NELL1: variants seen among roughly 807,000 people sequenced by gnomAD.
NELL1 encodes the protein protein kinase C-binding protein NELL1.
Under a neutral mutation model 107.4 loss-of-function variants are expected in NELL1, and 76 were observed. That is an observed-to-expected ratio of 0.71 (90% CI 0.59 to 0.86). The LOEUF (loss-of-function observed/expected upper bound fraction) is 0.86. Ranked by LOEUF, NELL1 falls within the 40% of genes least tolerant of loss-of-function variation. The pLI is 0.00. For missense variants in NELL1, 1,024 were observed against 1,005.5 expected, an observed-to-expected ratio of 1.02 and a Z score of -0.25; for synonymous variants, 353 against 341.2, an observed-to-expected ratio of 1.03 and a Z score of -0.38.
At chr11:21,330,400 T>C (rs1850245210) in intron 14 of NELL1, among the ~76,000 whole-genome samples, 1 of 152,158 alleles carries the variant, frequency 6.6e-6, no homozygotes, top group Admixed American at 6.6e-5. Flanking sequence ...TTAATAGTTA[T>C]TGCAAGTGCC....
At position 21,047,934 on chromosome 11, in the gene NELL1, G is replaced by A. The variant is rs552236574; in HGVS notation, c.1301-65655G>A. Among the ~76,000 whole-genome samples the A allele has an allele frequency of 3.9e-5, 6 of 152,284 alleles. 1 individual carries two copies. In the South Asian group the frequency reaches 1.2e-3, roughly 32 times the overall value. ...AAAAACTAGGTAACCAGCGCATCAC[G>A]TAGAAGGTGAATGCTTCAAGTCAGG... is the stretch of plus-strand genomic sequence containing the variant. On this transcript the variant is annotated intron_variant, in intron 12 of 19. Transcript: ENST00000357134.
rs200650485 is a variant in NELL1 at position 20,792,488 on chromosome 11, TTCTA to T, written c.335+8662_335+8665del. Among the ~76,000 whole-genome samples, 505 of 152,102 alleles carry T rather than the reference TTCTA, an allele frequency of 3.3e-3. 14 individuals carry two copies. The highest frequency in any genetic ancestry group is 0.027 in the Admixed American group (417 of 15,282). On this transcript the variant is annotated intron_variant, in intron 3 of 19. Transcript: ENST00000357134. ...AGTACTTTCTAATATCTATCACTGT[TTCTA>T]TCTGTCTTTATCTATCTAGTCATCA...
At chr11:21,353,752 T>C (rs1003195783) in intron 14 of NELL1, among the ~76,000 whole-genome samples, 2 of 152,230 alleles carry the variant, frequency 1.3e-5, no homozygotes, top group Admixed American at 6.5e-5. Flanking sequence ...CAGAGCTCTT[T>C]TGAATTCTTT....
chr11:21,514,932 T>G (rs1469589298), intron 15 of NELL1, among the ~76,000 whole-genome samples: 1 of 152,186 alleles, frequency 6.6e-6, no homozygotes, highest in African/African-American at 2.4e-5. Flanking sequence ...TAGGTGATAC[T>G]AATGGTCACA....
intron 13 of NELL1, among the ~76,000 whole-genome samples, chr11:21,150,294 A>T (rs1856084706): frequency 6.6e-6 from 1 of 152,108 alleles, no homozygotes; most frequent in Admixed American, 6.6e-5. Context: ...ACCGTATATT[A>T]CTCAAAGTGC....
At chr11:21,229,603 A>G in intron 14 of NELL1, 149 bp downstream of exon 14, 1 of 1,093,726 alleles carries the variant, frequency 9.1e-7, no homozygotes, top group East Asian at 2.6e-5. Context: ...ACTGTGCGTC[A>G]GGGAAAAAGA....
chr11:21,468,670 G>C (rs1279506918), intron 15 of NELL1, among the ~76,000 whole-genome samples: 1 of 152,066 alleles, frequency 6.6e-6, no homozygotes, highest in Non-Finnish European at 1.5e-5. Flanking sequence ...TACCTAAAGG[G>C]ATCAAGATTG....
At chr11:21,574,844 A>C (rs1857185046) in intron 19 of NELL1, 128 bp from the exon 20 acceptor site, 1 of 716,064 alleles carries the variant, frequency 1.4e-6, no homozygotes, top group South Asian at 1.8e-5. Context: ...ATTTTTTTCT[A>C]GTCATTTTTT....
chr11:21,232,838 A>C (rs896628894), intron 14 of NELL1, among the ~76,000 whole-genome samples: 1 of 152,028 alleles, frequency 6.6e-6, no homozygotes, highest in Non-Finnish European at 1.5e-5. Flanking sequence ...TTTTTAATAG[A>C]GATGGGGTTT....
intron 14 of NELL1, among the ~76,000 whole-genome samples, chr11:21,321,573 C>G (rs1475093520): frequency 1.3e-5 from 2 of 152,172 alleles, no homozygotes; most frequent in African/African-American, 4.8e-5. Flanking sequence ...ATAACAGACA[C>G]TGATATTTGC....
intron 12 of NELL1, among the ~76,000 whole-genome samples, chr11:21,037,476 C>T (rs1341864233): frequency 6.6e-6 from 1 of 152,130 alleles, no homozygotes; most frequent in Admixed American, 6.6e-5. Flanking sequence ...ACATATTCCT[C>T]ATTATCCATC....
At chr11:21,343,199 A>G (rs777580068) in intron 14 of NELL1, among the ~76,000 whole-genome samples, 127 of 151,918 alleles carry the variant, frequency 8.4e-4, no homozygotes, top group Non-Finnish European at 1.6e-3. Flanking sequence ...CAGACTCCCC[A>G]GCATGGCATA....
chr11:20,862,195 A>G (rs1014982166), intron 4 of NELL1, among the ~76,000 whole-genome samples: 3 of 152,232 alleles, frequency 2.0e-5, no homozygotes, highest in African/African-American at 7.2e-5. Context: ...CGGATGCTAA[A>G]TCTGACTATG....
Position 21,148,523 on chromosome 11 carries a change from G to A in NELL1, c.1426+34809G>A, listed in dbSNP as rs182538959. ...AGTCAAGCTGCCTCTGCTTTTGGTG[G>A]ATATCACTTAACAGGGTTTATGAGC... On this transcript the variant is annotated intron_variant, in intron 13 of 19. Transcript: ENST00000357134. 4.6e-5 allele frequency among the ~76,000 whole-genome samples: 7 copies of A among 152,284 alleles called. No homozygotes were observed. In the East Asian group the frequency reaches 1.2e-3, roughly 25 times the overall value.
intron 2 of NELL1, among the ~76,000 whole-genome samples, chr11:20,692,628 T>G (rs1223557420): frequency 1.7e-4 from 26 of 151,500 alleles, no homozygotes. Flanking sequence ...AGTTCTAGTT[T>G]GATTACACTG....
chr11:21,563,586 G>A (rs57389131), intron 17 of NELL1, among the ~76,000 whole-genome samples: 3 of 152,010 alleles, frequency 2.0e-5, no homozygotes, highest in East Asian at 2.0e-4. Flanking sequence ...TACCCTATTA[G>A]GTATTATTAG....
chr11:21,367,261 TACACAC>T (rs72275889), intron 14 of NELL1, among the ~76,000 whole-genome samples: 22,321 of 145,034 alleles, frequency 0.15, 2,287 homozygotes, highest in African/African-American at 0.29. Flanking sequence ...TTTATCTTAC[TACACAC>T]ACACACACAC....
At chr11:21,349,156 AAAT>A (rs1328726747) in intron 14 of NELL1, among the ~76,000 whole-genome samples, 1 of 152,128 alleles carries the variant, frequency 6.6e-6, no homozygotes, top group Non-Finnish European at 1.5e-5. Context: ...TGGAAAGAGA[AAAT>A]AACAAGAGGA....
Position 21,342,415 on chromosome 11 carries a change from G to A in NELL1, c.1550-28438G>A, listed in dbSNP as rs1407871149. On this transcript the variant is annotated intron_variant, in intron 14 of 19. Coordinates refer to ENST00000357134, the MANE Select transcript of NELL1 (RefSeq NM_006157.5). Reference sequence around the variant, plus strand: ...CAGTGCTTTGAGAGGCTTAAGTGGGGGGGGGGGTCACTTGAGGCCAGGAGT... The same window carrying A: ...CAGTGCTTTGAGAGGCTTAAGTGGGAGGGGGGGTCACTTGAGGCCAGGAGT... 2.0e-5 allele frequency among the ~76,000 whole-genome samples: 3 copies of A among 148,628 alleles called. 1 individual carries two copies. The highest frequency in any genetic ancestry group is 4.1e-4 in the East Asian group (2 of 4,860).
Sources: gnomAD v4.1 joint callset for allele counts (sites outside exome capture counted in the v4.1 genomes callset) on GRCh38, gnomAD v4.1.1 for gene constraint, MANE v1.5 for transcripts, NCBI Gene and HGNC (gene_info 2026-07-23, HGNC 2026-07-21) for gene names.